The following ZNF25 variants were observed in gnomAD, a reference collection of about 807,000 sequenced individuals.
ZNF25 encodes zinc finger protein 25.
A neutral mutation model predicts 30.9 loss-of-function variants in ZNF25; 21 were observed. The ratio of observed to expected loss-of-function variants is 0.68; its 90% CI spans 0.48 to 0.98. The LOEUF (loss-of-function observed/expected upper bound fraction) is 0.98. Among genes scored for constraint, ZNF25 ranks in the 50% least tolerant of loss-of-function variants. ZNF25 has a pLI of 0.00. For missense variants in ZNF25, 501 were observed against 529.9 expected (o/e 0.95, Z 0.54); for synonymous variants, 169 against 181.3 (o/e 0.93, Z 0.55).
intron 2 of ZNF25, among the ~76,000 whole-genome samples, chr10:37,962,341 A>G (rs944318710): frequency 6.6e-6 from 1 of 152,228 alleles, no homozygotes; most frequent in Non-Finnish European, 1.5e-5. Context: ...TGCTTACAGA[A>G]GAAGTGAGAA....
intron 1 of ZNF25, among the ~76,000 whole-genome samples, chr10:37,974,389 A>C (rs987263052): frequency 2.0e-5 from 3 of 152,200 alleles, no homozygotes; most frequent in African/African-American, 7.2e-5. Flanking sequence ...AGGAATTAAT[A>C]ACCAGAATAT....
chr10:37,962,886 C>T (rs557407939), intron 2 of ZNF25, among the ~76,000 whole-genome samples: 3 of 151,912 alleles, frequency 2.0e-5, no homozygotes, highest in African/African-American at 4.8e-5. Flanking sequence ...AATAATATTA[C>T]CTAGTATCAA....
intron 2 of ZNF25, among the ~76,000 whole-genome samples, chr10:37,966,336 C>A (rs1254482555): frequency 6.6e-6 from 1 of 151,872 alleles, no homozygotes; most frequent in Non-Finnish European, 1.5e-5. Context: ...ATCTCTTGAA[C>A]CCGGGAGGTG....
intron 2 of ZNF25, among the ~76,000 whole-genome samples, chr10:37,959,540 C>T (rs1020266604): frequency 1.3e-5 from 2 of 152,078 alleles, no homozygotes; most frequent in African/African-American, 4.8e-5. Context: ...ATTTATACTC[C>T]ATGAAATCTG....
intron 4 of ZNF25, among the ~76,000 whole-genome samples, chr10:37,954,922 G>A (rs775465717): frequency 6.6e-6 from 1 of 152,104 alleles, no homozygotes; most frequent in Non-Finnish European, 1.5e-5. Context: ...GAGAGGCTGA[G>A]GTGGGTGGAT....
rs1166004928 is a variant in ZNF25, at chr10:37,959,392, G to A, written c.16-1846C>T. On this transcript the variant is annotated intron_variant, in intron 2 of 5. Coordinates refer to ENST00000302609, the MANE Select transcript of ZNF25 (RefSeq NM_145011.4). Reference sequence around the variant, plus strand: ...ATTGGAAATTAGTTACTAACCACTGGGAGAAAGGGGGAGGGCAGCTCCCAT... The same window carrying A: ...ATTGGAAATTAGTTACTAACCACTGAGAGAAAGGGGGAGGGCAGCTCCCAT... 2.0e-5 allele frequency among the ~76,000 whole-genome samples: 3 copies of A among 152,250 alleles called. No homozygotes were observed. The East Asian group carries it at 5.8e-4, about 29-fold the overall frequency.
chr10:37,965,019 C>G (rs2063104232), intron 2 of ZNF25, among the ~76,000 whole-genome samples: 1 of 152,140 alleles, frequency 6.6e-6, no homozygotes, highest in African/African-American at 2.4e-5. Flanking sequence ...AGCTTCAGCT[C>G]AAGGGGGTCC....
chr10:37,957,659 T>A (rs2062617039), intron 2 of ZNF25, 113 bp from the exon 3 acceptor site: 2 of 1,224,370 alleles, frequency 1.6e-6, no homozygotes, highest in East Asian at 2.5e-5. Context: ...TTCTGGAGAG[T>A]TAGGATATTT....
chr10:37,966,495 G>A (rs529875888), intron 2 of ZNF25, among the ~76,000 whole-genome samples: 3 of 152,208 alleles, frequency 2.0e-5, no homozygotes, highest in South Asian at 2.1e-4. Flanking sequence ...TCCACAGGCT[G>A]CGCAGGAAGC....
intron 2 of ZNF25, among the ~76,000 whole-genome samples, chr10:37,962,717 A>G (rs2062957464): frequency 6.6e-6 from 1 of 152,202 alleles, no homozygotes; most frequent in Non-Finnish European, 1.5e-5. Context: ...AAAAATGAAA[A>G]GGGGAATAGT....
At chr10:37,962,824 C>T (rs1043901743) in intron 2 of ZNF25, among the ~76,000 whole-genome samples, 10 of 152,064 alleles carry the variant, frequency 6.6e-5, no homozygotes, top group Admixed American at 1.3e-4. Flanking sequence ...TGGATTAATT[C>T]TTTGAAAGAA....
At chr10:37,956,941 G>A (rs2062565987) in intron 4 of ZNF25, 79 bp downstream of exon 4, 4 of 878,766 alleles carry the variant, frequency 4.6e-6, no homozygotes, top group South Asian at 1.6e-5. Flanking sequence ...AAAAGTGAGA[G>A]ATTGCCGAAA....
chr10:37,950,571 T>G lies in ZNF25; in HGVS notation c.*1556A>C, dbSNP rs2062089528. The G allele has an allele frequency of 6.6e-6, 1 of 152,442 alleles. No individual in the cohort carries two copies. Among genetic ancestry groups the G allele is most frequent in the African/African-American group, 2.4e-5 (1 of 41,414 alleles). The allele number at this position is 152,442 out of a possible 1,614,324, so 9.4% of individuals were successfully genotyped here. ...ATGAATGTTGGGTAGCCAACATTTT[T>G]TTTTTTTTTGCAGCGTAATTCACAA... On this transcript the variant is annotated 3_prime_UTR_variant, in exon 6 of 6. Transcript: ENST00000302609.
chr10:37,960,691 T>C (rs117090076), intron 2 of ZNF25, among the ~76,000 whole-genome samples: 3,905 of 143,418 alleles, frequency 0.027, 77 homozygotes, highest in Non-Finnish European at 0.041. Context: ...GGCAGGAGAC[T>C]AGGCCCAGAC....
chr10:37,974,961 C>CA (rs981542622), intron 1 of ZNF25, among the ~76,000 whole-genome samples: 3 of 152,080 alleles, frequency 2.0e-5, no homozygotes, highest in Non-Finnish European at 4.4e-5. Context: ...GTCATTGCAG[C>CA]AACAAAGATG....
At chr10:37,959,793 AG>A (rs1438505174) in intron 2 of ZNF25, among the ~76,000 whole-genome samples, 1 of 151,460 alleles carries the variant, frequency 6.6e-6, no homozygotes, top group East Asian at 1.9e-4. Context: ...TATTTTTAGT[AG>A]AGATGCGGTT....
intron 5 of ZNF25, 36 bp downstream of exon 5, chr10:37,953,659 A>C: frequency 6.2e-7 from 1 of 1,601,878 alleles, no homozygotes; most frequent in Non-Finnish European, 8.6e-7. Context: ...TCTTGCTTAC[A>C]AATCTTCTAT....
At position 37,952,454 on chromosome 10, in the gene ZNF25, C is replaced by T. The variant is rs140529378; in HGVS notation, c.1044G>A (p.Gly348=). ...GEKPFECNKC[G]KTFYYKSDLT... Reference sequence around the variant, plus strand: ...GGTCTGATTTATAGTAAAATGTTTTCCCACATTTATTACATTCAAAGGGTT... The same window carrying T: ...GGTCTGATTTATAGTAAAATGTTTTTCCACATTTATTACATTCAAAGGGTT... Residue 348 remains glycine (G), a synonymous_variant, in exon 6 of 6, where the codon GGG becomes GGA. Coordinates refer to ENST00000302609, the MANE Select transcript of ZNF25 (RefSeq NM_145011.4). The T allele has an allele frequency of 2.0e-3, 3,212 of 1,613,828 alleles. 4 individuals are homozygous for T. The highest frequency in any genetic ancestry group is 2.6e-3 in the Non-Finnish European group (3,037 of 1,179,936).
Position 37,950,957 on chromosome 10 carries a change from A to G in ZNF25, c.*1170T>C, listed in dbSNP as rs972434041. 6.6e-6 allele frequency: 1 copy of G among 152,180 alleles called. No homozygotes were observed. The highest frequency in any genetic ancestry group is 2.4e-5 in the African/African-American group (1 of 41,426). The allele number at this position is 152,180 out of a possible 1,614,324, so 9.4% of individuals were successfully genotyped here. ...AGATACATAATATTTCTTACATTGC[A>G]CTATTTGTTTTCATTGTGGAGATTG... On this transcript the variant is annotated 3_prime_UTR_variant, in exon 6 of 6. Transcript: ENST00000302609.
Sources: gnomAD v4.1 joint callset for allele counts (sites outside exome capture counted in the v4.1 genomes callset) on GRCh38, gnomAD v4.1.1 for gene constraint, MANE v1.5 for transcripts, NCBI Gene and HGNC (gene_info 2026-07-23, HGNC 2026-07-21) for gene names.